The following CPNE8 variants were observed in gnomAD, a reference collection of about 807,000 sequenced individuals.
The protein encoded by CPNE8 is copine-8.
CPNE8 carries 45 observed loss-of-function variants against 81.5 expected under a neutral mutation model. That is an observed-to-expected ratio of 0.55 (90% CI 0.44 to 0.71). The LOEUF is 0.71. Ranked by LOEUF, CPNE8 falls within the 30% of genes least tolerant of loss-of-function variation. CPNE8 has a pLI of 0.00. For missense variants in CPNE8, 594 were observed against 672.1 expected (o/e 0.88, Z 1.28); for synonymous variants, 252 against 226.3 (o/e 1.11, Z -1.02).
intron 15 of CPNE8, among the ~76,000 whole-genome samples, chr12:38,690,211 G>T (rs1235672767): frequency 6.6e-6 from 1 of 152,182 alleles, no homozygotes; most frequent in East Asian, 1.9e-4. Context: ...ACATCAGGTA[G>T]TTCATGAAAG....
At chr12:38,850,711 T>C (rs1190420067) in intron 3 of CPNE8, among the ~76,000 whole-genome samples, 1 of 152,176 alleles carries the variant, frequency 6.6e-6, no homozygotes, top group East Asian at 1.9e-4. Flanking sequence ...ACTCATTCTT[T>C]TTAGAAGCCG....
intron 6 of CPNE8, among the ~76,000 whole-genome samples, chr12:38,790,295 G>A (rs1390544343): frequency 6.6e-6 from 1 of 151,700 alleles, no homozygotes; most frequent in Non-Finnish European, 1.5e-5. Context: ...AAAACAATAT[G>A]GATGGAACTG....
At chr12:38,839,708 G>C (rs564630247) in intron 5 of CPNE8, among the ~76,000 whole-genome samples, 1 of 152,166 alleles carries the variant, frequency 6.6e-6, no homozygotes, top group South Asian at 2.1e-4. Flanking sequence ...TTAAAAGGAA[G>C]ATTAGTCCAT....
chr12:38,901,518 G>A (rs770592233), intron 1 of CPNE8, among the ~76,000 whole-genome samples: 6 of 152,098 alleles, frequency 3.9e-5, no homozygotes, highest in Non-Finnish European at 8.8e-5. Context: ...ATCTCTCAAG[G>A]TTGTATCATT....
At chr12:38,757,392 T>C (rs1456548904) in intron 10 of CPNE8, among the ~76,000 whole-genome samples, 3 of 151,992 alleles carry the variant, frequency 2.0e-5, no homozygotes, top group Non-Finnish European at 4.4e-5. Context: ...ATAACCATCT[T>C]ATTAGACCAC....
intron 6 of CPNE8, among the ~76,000 whole-genome samples, chr12:38,801,131 CG>C (rs1302446756): frequency 1.4e-5 from 1 of 71,228 alleles, no homozygotes; most frequent in Non-Finnish European, 2.7e-5. Context: ...GGCAGGCCAA[CG>C]TTCAGATTCA....
chr12:38,736,811 T>C (rs2136781247), intron 10 of CPNE8, among the ~76,000 whole-genome samples: 1 of 152,154 alleles, frequency 6.6e-6, no homozygotes, highest in East Asian at 1.9e-4. Flanking sequence ...TAGCAACAGT[T>C]TCACAAATGT....
chr12:38,785,993 A>C (rs1381355589), intron 6 of CPNE8, among the ~76,000 whole-genome samples: 1 of 152,282 alleles, frequency 6.6e-6, no homozygotes, highest in Non-Finnish European at 1.5e-5. Flanking sequence ...GAAGGAAGGA[A>C]AGAAAGAAGA....
chr12:38,710,939 TTC>T (rs1164235717), intron 13 of CPNE8, among the ~76,000 whole-genome samples: 3 of 152,190 alleles, frequency 2.0e-5, no homozygotes, highest in Admixed American at 1.3e-4. Flanking sequence ...TTTTTTGTAT[TTC>T]TGTTTCTCCT....
chr12:38,875,395 G>T (rs984406105), intron 1 of CPNE8, among the ~76,000 whole-genome samples: 1 of 152,126 alleles, frequency 6.6e-6, no homozygotes, highest in Non-Finnish European at 1.5e-5. Flanking sequence ...TATCTAGAAT[G>T]ATGACTTGAG....
At chr12:38,772,315 A>G (rs1243298355) in intron 7 of CPNE8, among the ~76,000 whole-genome samples, 1 of 152,174 alleles carries the variant, frequency 6.6e-6, no homozygotes, top group African/African-American at 2.4e-5. Context: ...TTATTGCAAC[A>G]CAAAATGGAC....
chr12:38,827,116 G>A (rs1258660197), intron 6 of CPNE8, among the ~76,000 whole-genome samples: 1 of 150,212 alleles, frequency 6.7e-6, no homozygotes, highest in South Asian at 2.1e-4. Context: ...GGGAGGCAGA[G>A]GTTGCAGTGA....
At chr12:38,825,397 A>G (rs759609388) in intron 6 of CPNE8, among the ~76,000 whole-genome samples, 1 of 152,086 alleles carries the variant, frequency 6.6e-6, no homozygotes, top group African/African-American at 2.4e-5. Flanking sequence ...AGTGAAGTAC[A>G]TGGAAGAGCA....
At chr12:38,800,170 CT>C (rs1942623902) in intron 6 of CPNE8, among the ~76,000 whole-genome samples, 1 of 119,212 alleles carries the variant, frequency 8.4e-6, no homozygotes, top group African/African-American at 2.8e-5. Flanking sequence ...TCAAGGAGGC[CT>C]GCCTGCCTCT....
At chr12:38,905,303 C>T in intron 1 of CPNE8, 134 bp downstream of exon 1, 1 of 994,722 alleles carries the variant, frequency 1.0e-6, no homozygotes, top group Non-Finnish European at 1.5e-6. Flanking sequence ...ACTCCAGCCC[C>T]ACTACTGAGA....
chr12:38,778,605 A>G (rs1370977429), intron 6 of CPNE8, among the ~76,000 whole-genome samples: 1 of 152,094 alleles, frequency 6.6e-6, no homozygotes, highest in East Asian at 1.9e-4. Flanking sequence ...TTCCAAGAAA[A>G]CCTTATCCTA....
At chr12:38,660,450 A>G (rs981757937) in intron 19 of CPNE8, among the ~76,000 whole-genome samples, 1 of 152,226 alleles carries the variant, frequency 6.6e-6, no homozygotes, top group Non-Finnish European at 1.5e-5. Flanking sequence ...CTTACACCTT[A>G]TACAAAAATT....
chr12:38,671,127 A>G (rs1939165532), intron 18 of CPNE8: 1 of 195,214 alleles, frequency 5.1e-6, no homozygotes, highest in Non-Finnish European at 1.0e-5. Context: ...ACTTCGGGTT[A>G]TATGGTTGCA....
chr12:38,677,346 G>A (rs958276780), intron 17 of CPNE8, 106 bp downstream of exon 17: 19 of 669,816 alleles, frequency 2.8e-5, no homozygotes, highest in East Asian at 5.4e-5. Context: ...CTGCTGCAAA[G>A]GTGTGGTGAT....
Sources: gnomAD v4.1 joint callset for allele counts (sites outside exome capture counted in the v4.1 genomes callset) on GRCh38, gnomAD v4.1.1 for gene constraint, MANE v1.5 for transcripts, NCBI Gene and HGNC (gene_info 2026-07-23, HGNC 2026-07-21) for gene names.